Variants in EPB41L4A observed in about 807,000 individuals in gnomAD.
EPB41L4A encodes the protein band 4.1-like protein 4A.
Under a neutral mutation model 108.6 loss-of-function variants are expected in EPB41L4A, and 100 were observed. The ratio of observed to expected loss-of-function variants is 0.92; its 90% CI spans 0.78 to 1.09. The LOEUF (loss-of-function observed/expected upper bound fraction) is 1.09, where lower values mean the gene tolerates loss of function less well. Among genes scored for constraint, EPB41L4A ranks in the 50% least tolerant of loss-of-function variants. The pLI is 0.00. For synonymous variants in EPB41L4A, 319 were observed against 289.0 expected (o/e 1.10, Z -1.05); for missense variants, 1,030 against 842.7 (o/e 1.22, Z -2.75).
At chr5:112,250,254 G>C (rs973466583) in intron 9 of EPB41L4A, among the ~76,000 whole-genome samples, 13 of 152,162 alleles carry the variant, frequency 8.5e-5, no homozygotes, top group Admixed American at 8.5e-4. Context: ...TTTTAAGGAT[G>C]AATAAGTTGA....
chr5:112,184,241 T>C (rs1157550545), intron 17 of EPB41L4A, 106 bp from the exon 18 acceptor site: 1 of 1,293,174 alleles, frequency 7.7e-7, no homozygotes, highest in Non-Finnish European at 1.1e-6. Context: ...GAAATTTTAT[T>C]ATGATCATTT....
chr5:112,419,236 G>GC lies in EPB41L4A; in HGVS notation c.-198_-197insG. 2.2e-6 allele frequency: 1 copy of GC among 449,416 alleles called. No homozygotes were observed. The highest frequency in any genetic ancestry group is 3.1e-5 in the South Asian group (1 of 32,266). The allele number at this position is 449,416 out of a possible 1,614,324, so 27.8% of individuals were successfully genotyped here. A position where few individuals can be genotyped will look rare whatever the true frequency, so the allele number is the denominator to read the frequency against. On this transcript the variant is annotated 5_prime_UTR_variant, in exon 1 of 23. Coordinates refer to ENST00000261486, the MANE Select transcript of EPB41L4A (RefSeq NM_022140.5). ...GCGAGAAAGGCGGAAAAGCCCGGGA[G>GC]AGTCAGCGCCCGGGAGCCGCCGGGG...
At chr5:112,275,171 G>A in intron 4 of EPB41L4A, 155 bp downstream of exon 4, 1 of 904,882 alleles carries the variant, frequency 1.1e-6, no homozygotes. Flanking sequence ...TCAACTTCAT[G>A]CAATGCTAGT....
At position 112,153,729 on chromosome 5, in the gene EPB41L4A, T is replaced by C. The variant is rs184954237; in HGVS notation, n.994+4672A>G. 1.2e-3 allele frequency among the ~76,000 whole-genome samples: 189 copies of C among 151,558 alleles called. 1 individual carries two copies. The highest frequency in any genetic ancestry group is 4.1e-3 in the African/African-American group (169 of 41,456). On this transcript the variant is annotated intron_variant and non_coding_transcript_variant, in intron 12 of 13. Transcript: ENST00000507810. ...GATATAGAAGATTGGAATAATATGG[T>C]TAATAAGCTAGATCCAAAGGACATA...
At chr5:112,145,995 C>A (rs1395808916) in exon 13 of EPB41L4A, 1 of 456,124 alleles carries the variant, frequency 2.2e-6, no homozygotes, top group Non-Finnish European at 4.4e-6. Context: ...GAGGTCTGGA[C>A]ACCCTGTTAA....
chr5:112,268,539 A>C (rs1247031521), intron 4 of EPB41L4A, among the ~76,000 whole-genome samples: 1 of 152,136 alleles, frequency 6.6e-6, no homozygotes, highest in Non-Finnish European at 1.5e-5. Context: ...AATGGGTCAG[A>C]GATGCAAATT....
chr5:112,394,804 C>T (rs967954691), intron 1 of EPB41L4A, among the ~76,000 whole-genome samples: 1 of 152,180 alleles, frequency 6.6e-6, no homozygotes, highest in Non-Finnish European at 1.5e-5. Flanking sequence ...GCCAAAAGAA[C>T]AAAGCTGGAG....
chr5:112,401,829 A>G (rs1761773099), intron 1 of EPB41L4A, among the ~76,000 whole-genome samples: 1 of 152,240 alleles, frequency 6.6e-6, no homozygotes, highest in African/African-American at 2.4e-5. Flanking sequence ...CAGCCTAAGC[A>G]ATTTTTACTG....
At chr5:112,145,746 C>A (rs1434683612) in intron 13 of EPB41L4A, 3 of 313,636 alleles carry the variant, frequency 9.6e-6, no homozygotes, top group Non-Finnish European at 1.9e-5. Flanking sequence ...AACGTGCATA[C>A]AACATCCTCA....
chr5:112,282,442 G>GT (rs1753025060), intron 2 of EPB41L4A, among the ~76,000 whole-genome samples: 1 of 152,192 alleles, frequency 6.6e-6, no homozygotes, highest in South Asian at 2.1e-4. Context: ...CACTGCTGCC[G>GT]TAACAAATTA....
At chr5:112,380,330 CTATTT>C (rs1760087961) in intron 1 of EPB41L4A, among the ~76,000 whole-genome samples, 1 of 152,130 alleles carries the variant, frequency 6.6e-6, no homozygotes, top group African/African-American at 2.4e-5. Flanking sequence ...TTCAATAAAA[CTATTT>C]TATTAAAATG....
intron 15 of EPB41L4A, among the ~76,000 whole-genome samples, chr5:112,199,336 A>C (rs1192891808): frequency 6.6e-6 from 1 of 152,182 alleles, no homozygotes. Flanking sequence ...TATTCTGGGA[A>C]TGAAGAGAGA....
intron 1 of EPB41L4A, among the ~76,000 whole-genome samples, chr5:112,309,647 A>G (rs1308835538): frequency 2.0e-5 from 3 of 152,206 alleles, no homozygotes; most frequent in African/African-American, 7.2e-5. Context: ...TGGAATCTGC[A>G]TGATGAGAAT....
intron 22 of EPB41L4A, among the ~76,000 whole-genome samples, chr5:112,167,077 G>A (rs568083400): frequency 8.1e-6 from 1 of 124,222 alleles, no homozygotes; most frequent in East Asian, 2.8e-4. Flanking sequence ...ATTCCTGAGT[G>A]GAAATAAAAA....
intron 2 of EPB41L4A, among the ~76,000 whole-genome samples, chr5:112,302,409 G>C (rs533820904): frequency 1.1e-4 from 17 of 152,252 alleles, no homozygotes; most frequent in African/African-American, 3.6e-4. Context: ...ATTTGGAGGG[G>C]AAGATGGCTT....
At chr5:112,268,320 A>T (rs1752011279) in intron 4 of EPB41L4A, among the ~76,000 whole-genome samples, 2 of 152,150 alleles carry the variant, frequency 1.3e-5, no homozygotes, top group African/African-American at 4.8e-5. Flanking sequence ...AGAGGTTGCC[A>T]TGAGCTGAGA....
intron 12 of EPB41L4A, among the ~76,000 whole-genome samples, chr5:112,149,829 C>G (rs1353952183): frequency 6.6e-6 from 1 of 152,142 alleles, no homozygotes; most frequent in Admixed American, 6.6e-5. Context: ...AGTTCTGGAG[C>G]TGGGATTTGC....
At chr5:112,230,769 TTTTGGGTTCTTGGC>T (rs1347850198) in intron 12 of EPB41L4A, among the ~76,000 whole-genome samples, 1 of 152,168 alleles carries the variant, frequency 6.6e-6, no homozygotes, top group African/African-American at 2.4e-5. Flanking sequence ...TTGCATTTGT[TTTTGGGTTCTTGGC>T]TATGAACAGC....
chr5:112,254,196 T>G (rs1561514435), intron 9 of EPB41L4A, among the ~76,000 whole-genome samples: 3 of 152,242 alleles, frequency 2.0e-5, no homozygotes, highest in Admixed American at 2.0e-4. Context: ...CTGGGCTTAG[T>G]CCTGTGTTAG....
Sources: allele counts gnomAD v4.1 joint callset (sites outside exome capture counted in the v4.1 genomes callset), GRCh38; gene constraint gnomAD v4.1.1; transcripts MANE v1.5; gene names NCBI Gene and HGNC (gene_info 2026-07-23, HGNC 2026-07-21).